Variants in SF3B3 observed in about 807,000 individuals in gnomAD.
SF3B3 encodes splicing factor 3b subunit 3, also known as SAP 130.
A neutral mutation model predicts 139.2 loss-of-function variants in SF3B3; 33 were observed. That is an observed-to-expected ratio of 0.24 (90% confidence interval 0.18 to 0.32). SF3B3 has a LOEUF of 0.32. SF3B3 is among the 10% of genes least tolerant of loss of function. The pLI is 1.00. For synonymous variants in SF3B3, 596 were observed against 563.6 expected (o/e 1.06, Z -0.81); for missense variants, 818 against 1,509.4 (o/e 0.54, Z 7.59).
At chr16:70,539,689 C>A (rs1329716807) in intron 8 of SF3B3, among the ~76,000 whole-genome samples, 3 of 152,054 alleles carry the variant, frequency 2.0e-5, no homozygotes, top group Admixed American at 6.6e-5. Flanking sequence ...ATTTTAGTGG[C>A]TTCGGGCAGT....
chr16:70,535,968 T>C (rs1235645166), intron 6 of SF3B3, among the ~76,000 whole-genome samples: 3 of 152,208 alleles, frequency 2.0e-5, no homozygotes, highest in Non-Finnish European at 4.4e-5. Flanking sequence ...AGTAATCTTC[T>C]AAGATAATGG....
At chr16:70,526,389 G>C (rs762616255) in intron 1 of SF3B3, among the ~76,000 whole-genome samples, 198 bp from the exon 2 acceptor site, 1 of 152,050 alleles carries the variant, frequency 6.6e-6, no homozygotes, top group Non-Finnish European at 1.5e-5. Flanking sequence ...TGTATTTTTA[G>C]TAGAGACGGG....
intron 10 of SF3B3, 146 bp from the exon 11 acceptor site, chr16:70,548,224 A>G (rs1360907446): frequency 4.5e-6 from 3 of 662,974 alleles, no homozygotes; most frequent in African/African-American, 1.8e-5. Flanking sequence ...TGGTTCTTAG[A>G]TTCTTCTTTC....
chr16:70,556,276 G>T lies in SF3B3; in HGVS notation c.1808G>T (p.Arg603Leu). ...GTACCCCCTGGAGAGCAGCGGTCTC[G>T]CTTCCTGGCTGTGGGGCTTGTGGAC... ...ANVPPGEQRSRFLAVGLVDNT... is the reference protein window; with the variant it reads ...ANVPPGEQRSLFLAVGLVDNT... The change falls in exon 14 of 26, where the codon CGC becomes CTC. Residue 603 changes from arginine (R) to leucine (L), a missense_variant. Transcript: ENST00000302516. 1 of 1,614,148 alleles carries T rather than the reference G, an allele frequency of 6.2e-7. No individual in the cohort carries two copies. The highest frequency in any genetic ancestry group is 8.5e-7 in the Non-Finnish European group (1 of 1,180,026).
chr16:70,526,396 CG>C (rs1432939829), intron 1 of SF3B3, among the ~76,000 whole-genome samples, 190 bp from the exon 2 acceptor site: 1 of 152,052 alleles, frequency 6.6e-6, no homozygotes, highest in Non-Finnish European at 1.5e-5. Flanking sequence ...TTAGTAGAGA[CG>C]GGGTTTCACT....
rs1351496175 is a variant in SF3B3 at position 70,565,646 on chromosome 16, C to T, written c.2826+122C>T. ...TTGATTCCAATCTCTCTCTTACCAG[C>T]ACATGGAAAATGCTGGGGCCTTCTA... On this transcript the variant is annotated intron_variant, in intron 20 of 25. Coordinates refer to ENST00000302516, the MANE Select transcript of SF3B3 (RefSeq NM_012426.5). 16 of 896,768 alleles carry T rather than the reference C, an allele frequency of 1.8e-5. No individual in the cohort carries two copies. In the East Asian group the frequency reaches 4.2e-4, roughly 23 times the overall value. The allele number at this position is 896,768 out of a possible 1,614,324, so 55.6% of individuals were successfully genotyped here. A position where few individuals can be genotyped will look rare whatever the true frequency, so the allele number is the denominator to read the frequency against.
chr16:70,546,403 G>A (rs1371611702), intron 10 of SF3B3, among the ~76,000 whole-genome samples: 1 of 152,212 alleles, frequency 6.6e-6, no homozygotes, highest in Non-Finnish European at 1.5e-5. Context: ...TGTAATTCCA[G>A]CACTTTAGGA....
At chr16:70,570,974 T>G (rs1286516410) in intron 24 of SF3B3, 121 bp from the exon 25 acceptor site, 2 of 732,624 alleles carry the variant, frequency 2.7e-6, no homozygotes, top group Non-Finnish European at 4.9e-6. Context: ...AGAAAGTGAT[T>G]AGATATTTCC....
chr16:70,554,305 A>C, intron 11 of SF3B3, 141 bp from the exon 12 acceptor site: 2 of 707,880 alleles, frequency 2.8e-6, no homozygotes, highest in Non-Finnish European at 4.8e-6. Context: ...CTCTGTGTGC[A>C]TGTGTATGTG....
At chr16:70,569,259 T>C (rs1033615356) in intron 23 of SF3B3, 118 bp downstream of exon 23, 3 of 668,122 alleles carry the variant, frequency 4.5e-6, no homozygotes, top group Middle Eastern at 2.8e-4. Flanking sequence ...CTGAGTGCTG[T>C]CCGTCCACAG....
At chr16:70,550,705 G>A in intron 11 of SF3B3, 1 of 982,198 alleles carries the variant, frequency 1.0e-6, no homozygotes, top group South Asian at 4.7e-5. Flanking sequence ...TAGGGTCGAT[G>A]TGGGGTCTTA....
At position 70,572,701 on chromosome 16, in the gene SF3B3, A is replaced by G. The variant is rs2050540809; in HGVS notation, c.*888A>G. ...CCATAGGACCATAGGAAGGGTCAGT[A>G]CAGAAGAACCTAGATACTGCCCTGC... On this transcript the variant is annotated 3_prime_UTR_variant, in exon 26 of 26. Transcript: ENST00000302516. 1 of 152,708 alleles carries G rather than the reference A, an allele frequency of 6.5e-6. No individual in the cohort carries two copies. The highest frequency in any genetic ancestry group is 2.4e-5 in the African/African-American group (1 of 41,448). 9.5% of individuals were successfully genotyped at this position (152,708 alleles called of 1,614,324 possible).
At chr16:70,571,442 G>T (rs1008855233) in intron 25 of SF3B3, among the ~76,000 whole-genome samples, 4 of 152,170 alleles carry the variant, frequency 2.6e-5, no homozygotes, top group Admixed American at 2.6e-4. Context: ...CCCGGTCTGG[G>T]CGTGGTGGCA....
At chr16:70,560,405 A>T in intron 15 of SF3B3, 64 bp from the exon 16 acceptor site, 1 of 1,563,732 alleles carries the variant, frequency 6.4e-7, no homozygotes, top group Non-Finnish European at 8.7e-7. Flanking sequence ...CCCAAGGGAG[A>T]GGTTTTCCCA....
intron 21 of SF3B3, among the ~76,000 whole-genome samples, chr16:70,568,049 CT>C (rs1169484191): frequency 6.6e-6 from 1 of 152,190 alleles, no homozygotes; most frequent in Non-Finnish European, 1.5e-5. Context: ...CAAGAACCAG[CT>C]TTCTATCTTG....
chr16:70,523,911 C>T lies in SF3B3; in HGVS notation c.-88C>T, dbSNP rs1249899648. On this transcript the variant is annotated 5_prime_UTR_variant, in exon 1 of 26. Coordinates refer to ENST00000302516, the MANE Select transcript of SF3B3 (RefSeq NM_012426.5). ...GGTAGCATCCGTTGGATATCCACACCATCCTTCTCGCTGCAGGGTAAAAAA... is the reference window on the plus strand; with the variant it reads ...GGTAGCATCCGTTGGATATCCACACTATCCTTCTCGCTGCAGGGTAAAAAA... The T allele has an allele frequency of 1.5e-5, 7 of 467,016 alleles. No individual in the cohort carries two copies. Among genetic ancestry groups the T allele is most frequent in the South Asian group, 4.5e-5 (1 of 22,418 alleles). The allele number at this position is 467,016 out of a possible 1,614,324, so 28.9% of individuals were successfully genotyped here.
At chr16:70,530,314 CT>C (rs559650893) in intron 3 of SF3B3, among the ~76,000 whole-genome samples, 561 of 125,978 alleles carry the variant, frequency 4.5e-3, no homozygotes, top group Non-Finnish European at 6.3e-3. Flanking sequence ...ATTGTCTATT[CT>C]TTTTTTTTTT....
chr16:70,565,774 GT>G lies in SF3B3; in HGVS notation c.2826+254del, dbSNP rs1388072113. 5.5e-5 allele frequency: 22 copies of G among 403,266 alleles called. No individual in the cohort carries two copies. In the South Asian group the frequency reaches 6.9e-4, roughly 13 times the overall value. The allele number at this position is 403,266 out of a possible 1,614,324, so 25.0% of individuals were successfully genotyped here. A position where few individuals can be genotyped will look rare whatever the true frequency, so the allele number is the denominator to read the frequency against. On this transcript the variant is annotated intron_variant, in intron 20 of 25. Transcript: ENST00000302516. ...ACATTCAATTGGTCTCTTTCTTACTGTTTTAATAAGCAGGCAACAATTTGTG... is the reference window on the plus strand; with the variant it reads ...ACATTCAATTGGTCTCTTTCTTACTGTTTAATAAGCAGGCAACAATTTGTG...
At chr16:70,543,354 G>A (rs1162612632) in intron 9 of SF3B3, among the ~76,000 whole-genome samples, 1 of 151,040 alleles carries the variant, frequency 6.6e-6, no homozygotes, top group Non-Finnish European at 1.5e-5. Flanking sequence ...AGGTTGCGGT[G>A]AGCTGAGATC....
Sources: gnomAD v4.1 joint callset for allele counts (sites outside exome capture counted in the v4.1 genomes callset) on GRCh38, gnomAD v4.1.1 for gene constraint, MANE v1.5 for transcripts, NCBI Gene and HGNC (gene_info 2026-07-23, HGNC 2026-07-21) for gene names.